MIGA2: variants seen among roughly 807,000 people sequenced by gnomAD.
MIGA2 encodes family with sequence similarity 73, member B.
In MIGA2, 36 loss-of-function variants were observed where a neutral mutation model predicts 69.9. That is an observed-to-expected ratio of 0.52 (90% CI 0.39 to 0.68). The LOEUF is 0.68. MIGA2 is among the 30% of genes least tolerant of loss of function. The pLI is 0.00. For synonymous variants in MIGA2, 333 were observed against 349.2 expected, an observed-to-expected ratio of 0.95 and a Z score of 0.52; for missense variants, 660 against 787.7, an observed-to-expected ratio of 0.84 and a Z score of 1.94.
chr9:129,050,623 G>A (rs1249174723), intron 6 of MIGA2, among the ~76,000 whole-genome samples: 2 of 149,830 alleles, frequency 1.3e-5, no homozygotes, highest in African/African-American at 4.9e-5. Context: ...TCTGGCTGGA[G>A]TGCAGTGGCG....
Position 129,061,409 on chromosome 9 carries a change from G to C in MIGA2, c.1010+63G>C. 2 of 1,453,048 alleles carry C rather than the reference G, an allele frequency of 1.4e-6. No individual in the cohort carries two copies. Among genetic ancestry groups the C allele is most frequent in the Non-Finnish European group, 1.9e-6 (2 of 1,063,752 alleles). The allele number at this position is 1,453,048 out of a possible 1,614,324, so 90.0% of individuals were successfully genotyped here. A position where few individuals can be genotyped will look rare whatever the true frequency, so the allele number is the denominator to read the frequency against. Reference sequence around the variant, plus strand: ...GGCGATGGGTGATTCTGGCCCTTGCGGGAGGCGGAGAAGCCAGCGGTGCTT... The same window carrying C: ...GGCGATGGGTGATTCTGGCCCTTGCCGGAGGCGGAGAAGCCAGCGGTGCTT... On this transcript the variant is annotated intron_variant, in intron 9 of 15. Coordinates refer to ENST00000684074, the MANE Select transcript of MIGA2 (RefSeq NM_001329990.2). This position sits in a 1 kb window ranked among gnomAD's most constrained non-coding sequence, Gnocchi z 5.0.
chr9:129,042,768 G>C (rs889537261), intron 3 of MIGA2, among the ~76,000 whole-genome samples: 31 of 152,272 alleles, frequency 2.0e-4, no homozygotes, highest in Admixed American at 1.5e-3. Context: ...GACCCTTTGG[G>C]AGCACCTTGG....
At position 129,059,128 on chromosome 9, in the gene MIGA2, G is replaced by T. The variant is rs1324442397; in HGVS notation, c.676-26G>T. 6.2e-7 allele frequency: 1 copy of T among 1,606,838 alleles called. No individual in the cohort carries two copies. Among genetic ancestry groups the T allele is most frequent in the Non-Finnish European group, 8.5e-7 (1 of 1,173,704 alleles). ...TTCATCGGGAGCTTTGAGGGTCTGG[G>T]TTGAGGGTCCTTGTTTTTATGGCAG... On this transcript the variant is annotated intron_variant, in intron 6 of 15. Coordinates refer to ENST00000684074, the MANE Select transcript of MIGA2 (RefSeq NM_001329990.2). This position sits in a 1 kb window ranked among gnomAD's most constrained non-coding sequence, Gnocchi z 5.6.
In MIGA2 at chr9:129,040,913, G is replaced by A. The variant is rs553874479; in HGVS notation, c.96+223G>A. Among the ~76,000 whole-genome samples the A allele has an allele frequency of 6.6e-5, 10 of 152,244 alleles. No individual in the cohort carries two copies. In the East Asian group the frequency reaches 1.4e-3, roughly 21 times the overall value. On this transcript the variant is annotated intron_variant, in intron 2 of 15. Coordinates refer to ENST00000684074, the MANE Select transcript of MIGA2 (RefSeq NM_001329990.2). ...ATTAATTAAAAAAATTGTATTGGCC[G>A]GGTGCGATGGCTCACGCCTGTAATC...
chr9:129,051,895 G>A (rs1235502756), intron 6 of MIGA2, among the ~76,000 whole-genome samples: 2 of 151,278 alleles, frequency 1.3e-5, no homozygotes, highest in African/African-American at 4.9e-5. Context: ...GTGCGATCTC[G>A]ACTCACTGCA....
chr9:129,052,641 C>A (rs1311224519), intron 6 of MIGA2, among the ~76,000 whole-genome samples: 1 of 152,088 alleles, frequency 6.6e-6, no homozygotes, highest in African/African-American at 2.4e-5. Flanking sequence ...GCCTATTCCT[C>A]CCTCACCCTT....
chr9:129,038,899 G>A (rs963012543), intron 1 of MIGA2, among the ~76,000 whole-genome samples: 1 of 146,772 alleles, frequency 6.8e-6, no homozygotes, highest in Non-Finnish European at 1.5e-5. Context: ...GGATTCAGGC[G>A]ATTCTCCTGC....
chr9:129,069,939 C>T lies in MIGA2; in HGVS notation c.1549C>T (p.Leu517Phe), dbSNP rs1472361746. 3 of 1,610,576 alleles carry T rather than the reference C, an allele frequency of 1.9e-6. No homozygotes were observed. The highest frequency in any genetic ancestry group is 2.2e-5 in the East Asian group (1 of 44,862). The stretch of plus-strand genomic sequence containing the variant: ...CGGCTTCCTTGGACCCAAGCCTCAG[C>T]TTGCTGAAGTCTGTGCTTTCTTCAA... Reference protein sequence around the residue: ...AFGFLGPKPQLAEVCAFFKHQ... With the variant: ...AFGFLGPKPQFAEVCAFFKHQ... The change falls in exon 15 of 16, where the codon CTT becomes TTT. Residue 517 changes from leucine (L) to phenylalanine (F), a missense_variant. By Grantham distance (22) the Leu-to-Phe change is conservative (BLOSUM62 0). Transcript: ENST00000684074. This position sits in a 1 kb window ranked among gnomAD's most constrained non-coding sequence, Gnocchi z 4.9.
At chr9:129,065,136 G>T (rs377197695) in intron 11 of MIGA2, among the ~76,000 whole-genome samples, 2 of 150,240 alleles carry the variant, frequency 1.3e-5, no homozygotes, top group East Asian at 2.0e-4. Flanking sequence ...AGGAGAGAGT[G>T]TAAAAAATAT....
At position 129,063,535 on chromosome 9, in the gene MIGA2, C is replaced by G. The variant is rs1374956082; in HGVS notation, c.1084-10C>G. 2 of 1,613,650 alleles carry G rather than the reference C, an allele frequency of 1.2e-6. No homozygotes were observed. Among genetic ancestry groups the G allele is most frequent in the Admixed American group, 1.7e-5 (1 of 59,982 alleles). ...CGGCAGCTCACTCCCCTCCCTTCCT[C>G]CTTCCCTAGGGGCTTCTGGAAGACA... On this transcript the variant is annotated splice_polypyrimidine_tract_variant and intron_variant, in intron 10 of 15. Transcript: ENST00000684074.
chr9:129,049,239 C>T (rs1055741103), intron 4 of MIGA2, 142 bp from the exon 5 acceptor site: 15 of 738,750 alleles, frequency 2.0e-5, no homozygotes, highest in African/African-American at 1.2e-4. Flanking sequence ...AGGGTGTGGA[C>T]GCTGTGGCTA....
In MIGA2 at chr9:129,068,230, G is replaced by A; in HGVS notation, c.1302G>A (p.Leu434=). 6.2e-7 allele frequency: 1 copy of A among 1,613,810 alleles called. No homozygotes were observed. The highest frequency in any genetic ancestry group is 8.5e-7 in the Non-Finnish European group (1 of 1,180,010). The change falls in exon 13 of 16, where the codon CTG becomes CTA. Residue 434 remains leucine, a synonymous_variant. Coordinates refer to ENST00000684074, the MANE Select transcript of MIGA2 (RefSeq NM_001329990.2). This position sits in a 1 kb window ranked among gnomAD's most constrained non-coding sequence, Gnocchi z 4.1. Reference sequence around the variant, plus strand: ...GCATGAGCTTCTTCGACATCGTGCTGGACTTCATCCTCATGGACGCCTTCG... The same window carrying A: ...GCATGAGCTTCTTCGACATCGTGCTAGACTTCATCCTCATGGACGCCTTCG... The part of the protein sequence containing the change: ...VVCMSFFDIV[L]DFILMDAFED...
chr9:129,064,084 C>T (rs948365696), intron 11 of MIGA2, among the ~76,000 whole-genome samples: 7 of 152,188 alleles, frequency 4.6e-5, no homozygotes, highest in Admixed American at 1.3e-4. Context: ...TTTAGAAGCC[C>T]GGCAGATATT....
At chr9:129,040,979 T>G (rs1397364303) in intron 2 of MIGA2, among the ~76,000 whole-genome samples, 7 of 151,890 alleles carry the variant, frequency 4.6e-5, no homozygotes, top group Non-Finnish European at 7.4e-5. Flanking sequence ...TCACCTGAGG[T>G]CAGGAGTTCA....
At chr9:129,065,716 T>C (rs549148146) in intron 11 of MIGA2, among the ~76,000 whole-genome samples, 39 of 152,234 alleles carry the variant, frequency 2.6e-4, no homozygotes, top group African/African-American at 8.4e-4. Context: ...GTGGGACATA[T>C]ACCAGTAACT....
rs769954740 is a variant in MIGA2, at chr9:129,071,280, G to A, written c.*827G>A. The stretch of plus-strand genomic sequence containing the variant: ...CGGGGACCACTTGGGGGAGGTCAGA[G>A]GATGTATGTGGCCGGACCAGCTTCC... On this transcript the variant is annotated 3_prime_UTR_variant, in exon 16 of 16. Coordinates refer to ENST00000684074, the MANE Select transcript of MIGA2 (RefSeq NM_001329990.2). 3.9e-5 allele frequency: 6 copies of A among 152,632 alleles called. No homozygotes were observed. Among genetic ancestry groups the A allele is most frequent in the South Asian group, 4.1e-4 (2 of 4,842 alleles). 9.5% of individuals were successfully genotyped at this position (152,632 alleles called of 1,614,324 possible). A position where few individuals can be genotyped will look rare whatever the true frequency, so the allele number is the denominator to read the frequency against.
At chr9:129,038,464 G>C (rs1236427891) in intron 1 of MIGA2, among the ~76,000 whole-genome samples, 1 of 152,148 alleles carries the variant, frequency 6.6e-6, no homozygotes. Context: ...TTGGGGTCCA[G>C]GCTAGGTGTG....
At position 129,061,833 on chromosome 9, in the gene MIGA2, A is replaced by G. The variant is rs536612201; in HGVS notation, c.1010+487A>G. ...AGCTCCTCTGTAGGAGAGGTCAGGT[A>G]CCCAGGCTGTGGGGACAGACAGGCC... On this transcript the variant is annotated intron_variant, in intron 9 of 15. Transcript: ENST00000684074. This position sits in a 1 kb window ranked among gnomAD's most constrained non-coding sequence, Gnocchi z 5.0. 6.6e-6 allele frequency among the ~76,000 whole-genome samples: 1 copy of G among 152,254 alleles called. No individual in the cohort carries two copies. Among genetic ancestry groups the G allele is most frequent in the East Asian group, 1.9e-4 (1 of 5,176 alleles).
At position 129,068,575 on chromosome 9, in the gene MIGA2, C is replaced by T. The variant is rs996597685; in HGVS notation, c.1404+243C>T. 3.8e-6 allele frequency: 2 copies of T among 529,066 alleles called. No individual in the cohort carries two copies. Among genetic ancestry groups the T allele is most frequent in the African/African-American group, 3.8e-5 (2 of 52,524 alleles). 32.8% of individuals were successfully genotyped at this position (529,066 alleles called of 1,614,324 possible). Reference sequence around the variant, plus strand: ...GCTTTCTTCCTATTGTGTGGTTTTACTTTTGTGCTGGTATGAATTCGATTC... The same window carrying T: ...GCTTTCTTCCTATTGTGTGGTTTTATTTTTGTGCTGGTATGAATTCGATTC... On this transcript the variant is annotated intron_variant, in intron 13 of 15. Coordinates refer to ENST00000684074, the MANE Select transcript of MIGA2 (RefSeq NM_001329990.2). This position sits in a 1 kb window ranked among gnomAD's most constrained non-coding sequence, Gnocchi z 4.1.
Sources: gnomAD v4.1 joint callset for allele counts (sites outside exome capture counted in the v4.1 genomes callset) on GRCh38, gnomAD v4.1.1 for gene constraint, Gnocchi (gnomAD v3.1) non-coding constraint, MANE v1.5 for transcripts, NCBI Gene and HGNC (gene_info 2026-07-23, HGNC 2026-07-21) for gene names.